Variants in NDUFAF2 observed in about 807,000 individuals in gnomAD.
NDUFAF2 encodes NADH dehydrogenase [ubiquinone] 1 alpha subcomplex assembly factor 2.
Under a neutral mutation model 22.8 loss-of-function variants are expected in NDUFAF2, and 13 were observed. The observed-to-expected ratio is 0.57, with a 90% CI of 0.37 to 0.91. NDUFAF2 has a LOEUF of 0.91. Among genes scored for constraint, NDUFAF2 ranks in the 40% least tolerant of loss-of-function variants. The pLI, the probability that NDUFAF2 is intolerant of heterozygous loss-of-function variation, is 0.01. For missense variants in NDUFAF2, 162 were observed against 195.2 expected, an observed-to-expected ratio of 0.83 and a Z score of 1.01; for synonymous variants, 53 against 64.2, an observed-to-expected ratio of 0.83 and a Z score of 0.84.
chr5:61,035,608 C>T (rs1430979844), intron 1 of NDUFAF2, among the ~76,000 whole-genome samples: 1 of 152,000 alleles, frequency 6.6e-6, no homozygotes, highest in Non-Finnish European at 1.5e-5. Context: ...TTCTCTCCTT[C>T]TCTTCCCCAC....
chr5:61,124,587 T>A (rs555438286), intron 3 of NDUFAF2, among the ~76,000 whole-genome samples: 15 of 152,094 alleles, frequency 9.9e-5, no homozygotes, highest in Non-Finnish European at 2.1e-4. Flanking sequence ...TACTGTATTG[T>A]ACATGTAGCT....
chr5:61,097,460 G>T (rs1256141940), intron 2 of NDUFAF2, among the ~76,000 whole-genome samples: 1 of 152,104 alleles, frequency 6.6e-6, no homozygotes, highest in East Asian at 1.9e-4. Context: ...AAACAGAATG[G>T]TTTCATACCA....
intron 2 of NDUFAF2, among the ~76,000 whole-genome samples, chr5:61,088,159 G>A (rs1752526391): frequency 6.6e-6 from 1 of 152,026 alleles, no homozygotes; most frequent in African/African-American, 2.4e-5. Context: ...AGTCCTAGAG[G>A]TCACTGGCAA....
chr5:61,132,272 A>G (rs1011911930), intron 3 of NDUFAF2, among the ~76,000 whole-genome samples: 1 of 152,176 alleles, frequency 6.6e-6, no homozygotes, highest in Non-Finnish European at 1.5e-5. Flanking sequence ...GCTCAATAAT[A>G]TTGAGTGATT....
At chr5:61,041,346 G>A (rs368049558) in intron 1 of NDUFAF2, among the ~76,000 whole-genome samples, 21 of 151,914 alleles carry the variant, frequency 1.4e-4, no homozygotes, top group African/African-American at 4.6e-4. Flanking sequence ...ATTTTTGATC[G>A]AAGAGTTGAA....
At chr5:60,995,351 G>T (rs573515875) in intron 1 of NDUFAF2, among the ~76,000 whole-genome samples, 88 of 152,276 alleles carry the variant, frequency 5.8e-4, no homozygotes, top group African/African-American at 2.0e-3. Flanking sequence ...ATATTTGAAA[G>T]GACTTGGTGT....
At chr5:60,961,590 G>T (rs1463834020) in intron 1 of NDUFAF2, among the ~76,000 whole-genome samples, 1 of 114,102 alleles carries the variant, frequency 8.8e-6, no homozygotes, top group Non-Finnish European at 1.7e-5. Context: ...GCAAGACTCT[G>T]TCTCAAAAAA....
intron 1 of NDUFAF2, among the ~76,000 whole-genome samples, chr5:61,000,110 A>G (rs1751277967): frequency 6.6e-6 from 1 of 152,128 alleles, no homozygotes; most frequent in Non-Finnish European, 1.5e-5. Context: ...TAAAATCTTC[A>G]TAGTGTTTAA....
intron 1 of NDUFAF2, among the ~76,000 whole-genome samples, chr5:61,003,645 CTTT>C (rs33941286): frequency 7.4e-5 from 9 of 121,746 alleles, no homozygotes; most frequent in Admixed American, 8.7e-5. Flanking sequence ...AAAATCTATA[CTTT>C]TTTTTTTTTT....
chr5:61,019,134 A>G lies in NDUFAF2; in HGVS notation c.128-53991A>G, dbSNP rs545204184. 3.9e-5 allele frequency among the ~76,000 whole-genome samples: 6 copies of G among 152,158 alleles called. No homozygotes were observed. The South Asian group carries it at 6.2e-4, about 16-fold the overall frequency. On this transcript the variant is annotated intron_variant, in intron 1 of 3. Coordinates refer to ENST00000296597, the MANE Select transcript of NDUFAF2 (RefSeq NM_174889.5). ...GATGATTATCAAAACGTTACCTTTC[A>G]TTTATAGGGATTAATTTTTAGTGCT...
chr5:60,964,912 G>T (rs1750734920), intron 1 of NDUFAF2, among the ~76,000 whole-genome samples: 1 of 152,044 alleles, frequency 6.6e-6, no homozygotes, highest in African/African-American at 2.4e-5. Flanking sequence ...TGACCCAGGT[G>T]CCTTACCATT....
intron 3 of NDUFAF2, among the ~76,000 whole-genome samples, chr5:61,113,255 T>G (rs1225530479): frequency 6.6e-6 from 1 of 152,234 alleles, no homozygotes; most frequent in Non-Finnish European, 1.5e-5. Flanking sequence ...GTGAGTTTGT[T>G]ACCTTCAGAT....
chr5:61,126,337 C>T (rs1753035658), intron 3 of NDUFAF2, among the ~76,000 whole-genome samples: 1 of 151,964 alleles, frequency 6.6e-6, no homozygotes, highest in Admixed American at 6.6e-5. Flanking sequence ...TCTGTTTTGA[C>T]AATGTCTCTT....
At chr5:61,137,834 A>T in intron 3 of NDUFAF2, among the ~76,000 whole-genome samples, 1 of 152,292 alleles carries the variant, frequency 6.6e-6, no homozygotes, top group East Asian at 1.9e-4. Flanking sequence ...GAATGGACAG[A>T]GGACAAAGTC....
intron 2 of NDUFAF2, among the ~76,000 whole-genome samples, chr5:61,092,676 T>TCAA (rs1220909189): frequency 6.6e-6 from 1 of 152,182 alleles, no homozygotes; most frequent in Non-Finnish European, 1.5e-5. Flanking sequence ...TGACTTCCTC[T>TCAA]CTTCCTATTT....
chr5:60,971,810 G>C (rs530027209), intron 1 of NDUFAF2, among the ~76,000 whole-genome samples: 40 of 152,142 alleles, frequency 2.6e-4, no homozygotes, highest in African/African-American at 9.4e-4. Flanking sequence ...TTTTATGGCT[G>C]CATAGTATTC....
At chr5:61,016,076 C>T (rs531396033) in intron 1 of NDUFAF2, among the ~76,000 whole-genome samples, 381 of 152,176 alleles carry the variant, frequency 2.5e-3, no homozygotes, top group Middle Eastern at 0.017. Flanking sequence ...ATCCCAGCTA[C>T]TCAGGAGGCT....
rs192317643 is a variant in NDUFAF2 at position 61,140,723 on chromosome 5, T to C, written c.259-11981T>C. On this transcript the variant is annotated intron_variant, in intron 3 of 3. Transcript: ENST00000296597. ...GAAACCTAAATATCCTAACACTGCA[T>C]TACAAGATTCAGCATGTTCTAACCC... Among the ~76,000 whole-genome samples the C allele has an allele frequency of 2.4e-4, 36 of 152,326 alleles. No individual in the cohort carries two copies. The East Asian group carries it at 6.6e-3, about 28-fold the overall frequency.
At chr5:61,034,419 T>C (rs1311378158) in intron 1 of NDUFAF2, among the ~76,000 whole-genome samples, 1 of 152,160 alleles carries the variant, frequency 6.6e-6, no homozygotes, top group Non-Finnish European at 1.5e-5. Flanking sequence ...CAGAATGCTG[T>C]AGGCACTTGT....
Sources: gnomAD v4.1 joint callset for allele counts (sites outside exome capture counted in the v4.1 genomes callset) on GRCh38, gnomAD v4.1.1 for gene constraint, MANE v1.5 for transcripts, NCBI Gene and HGNC (gene_info 2026-07-23, HGNC 2026-07-21) for gene names.